UCKL1: variants seen among roughly 807,000 people sequenced by gnomAD.
UCKL1 encodes uridine-cytidine kinase-like 1.
In UCKL1, 65 loss-of-function variants were observed where a neutral mutation model predicts 59.2. The ratio of observed to expected loss-of-function variants is 1.10; its 90% CI spans 0.90 to 1.35. The LOEUF (loss-of-function observed/expected upper bound fraction) is 1.35. Among genes scored for constraint, UCKL1 ranks in the 40% most tolerant of loss-of-function variants. The pLI, the probability that UCKL1 is intolerant of heterozygous loss-of-function variation, is 0.00. For synonymous variants in UCKL1, 410 were observed against 323.1 expected (o/e 1.27, Z -2.88); for missense variants, 703 against 784.3 (o/e 0.90, Z 1.24).
intron 1 of UCKL1, among the ~76,000 whole-genome samples, chr20:63,949,131 A>G (rs1359191048): frequency 6.6e-6 from 1 of 152,138 alleles, no homozygotes; most frequent in Non-Finnish European, 1.5e-5. Context: ...GCCTGTTTCC[A>G]TGCCACCATC....
chr20:63,941,415 C>G, intron 8 of UCKL1: 1 of 734,226 alleles, frequency 1.4e-6, no homozygotes, highest in Admixed American at 2.8e-5. Flanking sequence ...AAGATGGCGG[C>G]GAACAACGGG....
chr20:63,949,333 C>T (rs1000844581), intron 1 of UCKL1, among the ~76,000 whole-genome samples: 1 of 152,194 alleles, frequency 6.6e-6, no homozygotes, highest in African/African-American at 2.4e-5. Context: ...GAAGGGGGAG[C>T]AGGTGCCACG....
chr20:63,945,907 A>G lies in UCKL1; in HGVS notation c.480T>C (p.Phe160=). 6.2e-7 allele frequency: 1 copy of G among 1,613,782 alleles called. No homozygotes were observed. Among genetic ancestry groups the G allele is most frequent in the Non-Finnish European group, 8.5e-7 (1 of 1,179,964 alleles). The change falls in exon 4 of 15, where the codon TTT becomes TTC. Residue 160 remains phenylalanine (F), a synonymous_variant. Coordinates refer to ENST00000354216, the MANE Select transcript of UCKL1 (RefSeq NM_017859.4). ...NNFNFDHPDA[F]DFDLIISTLK... ...GGGTGGAAATGATGAGGTCGAAGTC[A>G]AAGGCATCTGGGTGGTCGAAGTTGA...
chr20:63,949,161 A>C (rs974592547), intron 1 of UCKL1, among the ~76,000 whole-genome samples: 3 of 152,190 alleles, frequency 2.0e-5, no homozygotes, highest in African/African-American at 7.2e-5. Context: ...AGCACGGGGA[A>C]TAATCAGCCA....
chr20:63,954,989 G>GC, intron 1 of UCKL1: 1 of 152,336 alleles, frequency 6.6e-6, no homozygotes, highest in African/African-American at 2.4e-5. Flanking sequence ...GGTGGCTCAC[G>GC]CCTGTAATCC....
At chr20:63,954,016 T>G (rs2058133597) in intron 1 of UCKL1, 1 of 152,828 alleles carries the variant, frequency 6.5e-6, no homozygotes, top group South Asian at 2.1e-4. Flanking sequence ...GCTGGATAAC[T>G]AAAATGAGGC....
chr20:63,947,837 G>A (rs1186853655), intron 1 of UCKL1, among the ~76,000 whole-genome samples: 1 of 152,254 alleles, frequency 6.6e-6, no homozygotes, highest in Non-Finnish European at 1.5e-5. Flanking sequence ...AGGCTGTGTG[G>A]CATCTACATG....
chr20:63,941,509 A>G (rs2054402334), intron 8 of UCKL1: 1 of 427,690 alleles, frequency 2.3e-6, no homozygotes. Flanking sequence ...GCTAAGAGGA[A>G]GCAGAAGTGG....
intron 1 of UCKL1, chr20:63,954,461 C>A (rs1248038883): frequency 1.3e-5 from 2 of 152,242 alleles, no homozygotes; most frequent in East Asian, 3.8e-4. Flanking sequence ...TGGAGGAACC[C>A]CAGCCCTGGG....
At chr20:63,942,611 C>T in intron 8 of UCKL1, 1 of 658,526 alleles carries the variant, frequency 1.5e-6, no homozygotes, top group South Asian at 1.6e-5. Flanking sequence ...TCCCCGCAGG[C>T]CTGAGGAGGA....
Position 63,940,392 on chromosome 20 carries a change from C to G in UCKL1, c.1396G>C (p.Val466Leu). 1.2e-6 allele frequency: 2 copies of G among 1,611,874 alleles called. No homozygotes were observed. Among genetic ancestry groups the G allele is most frequent in the Non-Finnish European group, 1.7e-6 (2 of 1,179,252 alleles). ...VSTGAAAMMA[V>L]RVLLDHDVPE... is the part of the protein sequence containing the mutation. ...GGCTCACTCACCAGGAGCACGCGCA[C>G]TGCCATCATGGCCGCCGCGCCCGTG... The change falls in exon 13 of 15, where the codon GTG becomes CTG. Residue 466 changes from valine (V) to leucine (L), a missense_variant. Transcript: ENST00000354216.
At chr20:63,941,261 CT>C in intron 8 of UCKL1, 53 bp from the exon 9 acceptor site, 1 of 1,455,052 alleles carries the variant, frequency 6.9e-7, no homozygotes, top group South Asian at 1.4e-5. Context: ...TCCCAGAGCC[CT>C]CCCTCCCCAC....
intron 1 of UCKL1, 147 bp downstream of exon 1, chr20:63,956,113 C>T (rs929964383): frequency 3.9e-6 from 3 of 771,106 alleles, no homozygotes; most frequent in Non-Finnish European, 5.6e-6. Flanking sequence ...GGGTTCCACC[C>T]GGCACGTGGG....
chr20:63,950,364 C>G (rs550731380), intron 1 of UCKL1, among the ~76,000 whole-genome samples: 2 of 152,318 alleles, frequency 1.3e-5, no homozygotes, highest in East Asian at 3.9e-4. Flanking sequence ...TGCTTGAGGT[C>G]AGCAGTTCGT....
At position 63,940,785 on chromosome 20, in the gene UCKL1, G is replaced by C. The variant is rs1328589945; in HGVS notation, c.1179+9C>G. Reference sequence around the variant, plus strand: ...CCTGTCCCGCGCCCAGGTGTGCCCAGGCAGGTACCTGCTTCCCCGCATAGC... The same window carrying C: ...CCTGTCCCGCGCCCAGGTGTGCCCACGCAGGTACCTGCTTCCCCGCATAGC... On this transcript the variant is annotated intron_variant, in intron 11 of 14. Transcript: ENST00000354216. 7 of 1,595,504 alleles carry C rather than the reference G, an allele frequency of 4.4e-6. No individual in the cohort carries two copies. In the South Asian group the frequency reaches 7.8e-5, roughly 18 times the overall value.
intron 1 of UCKL1, chr20:63,955,967 C>G (rs1421045180): frequency 3.5e-6 from 1 of 285,216 alleles, no homozygotes; most frequent in Non-Finnish European, 6.7e-6. Context: ...GCCGGGCGCT[C>G]GAGGCCGAGG....
intron 1 of UCKL1, chr20:63,956,049 G>T: frequency 2.2e-6 from 1 of 445,388 alleles, no homozygotes; most frequent in African/African-American, 2.1e-5. Flanking sequence ...CCCGAGCCCC[G>T]AGGAGCCTGC....
chr20:63,952,912 C>A (rs1455145713), intron 1 of UCKL1, among the ~76,000 whole-genome samples: 1 of 152,384 alleles, frequency 6.6e-6, no homozygotes, highest in Non-Finnish European at 1.5e-5. Context: ...AAGGCAGATG[C>A]CTCATCGGTG....
rs767602963 is a variant in UCKL1 at position 63,945,903 on chromosome 20, A to G, written c.484T>C (p.Phe162Leu). The G allele has an allele frequency of 1.2e-6, 2 of 1,613,806 alleles. No homozygotes were observed. The highest frequency in any genetic ancestry group is 2.2e-5 in the East Asian group (1 of 44,874). ...FNFDHPDAFD[F>L]DLIISTLKKL... ...TTGAGGGTGGAAATGATGAGGTCGA[A>G]GTCAAAGGCATCTGGGTGGTCGAAG... Residue 162 changes from phenylalanine to leucine, a missense_variant, in exon 4 of 15, where the codon TTC becomes CTC. Coordinates refer to ENST00000354216, the MANE Select transcript of UCKL1 (RefSeq NM_017859.4).
Sources: gnomAD v4.1 joint callset for allele counts (sites outside exome capture counted in the v4.1 genomes callset) on GRCh38, gnomAD v4.1.1 for gene constraint, MANE v1.5 for transcripts, NCBI Gene and HGNC (gene_info 2026-07-23, HGNC 2026-07-21) for gene names.